Variants in UNC5C observed in about 807,000 individuals in gnomAD.
UNC5C encodes the protein netrin receptor UNC5C.
A neutral mutation model predicts 99.8 loss-of-function variants in UNC5C; 47 were observed. That is an observed-to-expected ratio of 0.47 (90% CI 0.37 to 0.60). The LOEUF is 0.60. Among genes scored for constraint, UNC5C ranks in the 20% least tolerant of loss-of-function variants. The pLI is 0.00. For synonymous variants in UNC5C, 487 were observed against 452.2 expected, an observed-to-expected ratio of 1.08 and a Z score of -0.98; for missense variants, 1,062 against 1,165.9, an observed-to-expected ratio of 0.91 and a Z score of 1.30.
chr4:95,277,639 G>T (rs934430489), intron 4 of UNC5C, among the ~76,000 whole-genome samples: 1 of 152,200 alleles, frequency 6.6e-6, no homozygotes, highest in Non-Finnish European at 1.5e-5. Context: ...CTAATGAAAA[G>T]TCATGGTATG....
At chr4:95,495,272 CTTT>C (rs1721600098) in intron 1 of UNC5C, among the ~76,000 whole-genome samples, 1 of 151,460 alleles carries the variant, frequency 6.6e-6, no homozygotes, top group Non-Finnish European at 1.5e-5. Flanking sequence ...CACTATATTC[CTTT>C]TATCACTTGT....
intron 14 of UNC5C, 64 bp from the exon 15 acceptor site, chr4:95,170,396 C>CCAAT: frequency 6.4e-7 from 1 of 1,550,860 alleles, no homozygotes; most frequent in Non-Finnish European, 8.8e-7. Flanking sequence ...CTCTATTGAA[C>CCAAT]CAATCAACAT....
intron 2 of UNC5C, among the ~76,000 whole-genome samples, chr4:95,314,645 A>G (rs1409768297): frequency 6.6e-6 from 1 of 152,194 alleles, no homozygotes; most frequent in Admixed American, 6.5e-5. Flanking sequence ...CATGAGTATA[A>G]TCATGTCTTC....
chr4:95,191,866 C>T (rs1268142112), intron 12 of UNC5C, among the ~76,000 whole-genome samples: 1 of 142,554 alleles, frequency 7.0e-6, no homozygotes, highest in African/African-American at 2.6e-5. Context: ...CCATGCTCAC[C>T]TCCTCCCCAC....
chr4:95,510,319 G>T (rs1045897966), intron 1 of UNC5C, among the ~76,000 whole-genome samples: 5 of 151,932 alleles, frequency 3.3e-5, no homozygotes, highest in South Asian at 4.1e-4. Flanking sequence ...CAGGATTAAA[G>T]TTCGCTAAAA....
intron 1 of UNC5C, among the ~76,000 whole-genome samples, chr4:95,348,489 T>G (rs1743861551): frequency 6.6e-6 from 1 of 151,480 alleles, no homozygotes; most frequent in Admixed American, 6.6e-5. Context: ...TAGTCACAAT[T>G]GCCAAGATTT....
chr4:95,315,248 C>T (rs994954326), intron 2 of UNC5C, among the ~76,000 whole-genome samples: 1 of 151,866 alleles, frequency 6.6e-6, no homozygotes, highest in East Asian at 1.9e-4. Flanking sequence ...ATTTAGACAC[C>T]CCCTACTCCC....
At chr4:95,477,213 C>T (rs17442528) in intron 1 of UNC5C, among the ~76,000 whole-genome samples, 8,476 of 151,958 alleles carry the variant, frequency 0.056, 380 homozygotes, top group East Asian at 0.2. Context: ...TCCTGTTTAG[C>T]CAAGTGATTT....
chr4:95,178,325 C>G (rs977615169), intron 14 of UNC5C, among the ~76,000 whole-genome samples: 5 of 152,128 alleles, frequency 3.3e-5, no homozygotes, highest in Non-Finnish European at 5.9e-5. Context: ...TGCCCTGGGG[C>G]CCCCCTGGGC....
chr4:95,305,912 AT>A (rs1457157322), intron 2 of UNC5C, among the ~76,000 whole-genome samples: 2 of 152,194 alleles, frequency 1.3e-5, no homozygotes, highest in Non-Finnish European at 2.9e-5. Context: ...ATGACATGAC[AT>A]TTATTTCTTA....
chr4:95,320,560 G>T (rs1165010108), intron 2 of UNC5C, among the ~76,000 whole-genome samples: 1 of 152,136 alleles, frequency 6.6e-6, no homozygotes, highest in South Asian at 2.1e-4. Flanking sequence ...CTTTGAAGTG[G>T]TCATATTAAA....
chr4:95,318,398 T>G (rs894264148), intron 2 of UNC5C, among the ~76,000 whole-genome samples: 4 of 152,190 alleles, frequency 2.6e-5, no homozygotes, highest in African/African-American at 9.7e-5. Context: ...TTCAGACTTC[T>G]AGCCTCCAAA....
intron 13 of UNC5C, 150 bp from the exon 14 acceptor site, chr4:95,183,211 A>C: frequency 1.4e-6 from 1 of 698,140 alleles, no homozygotes; most frequent in Middle Eastern, 4.3e-4. Flanking sequence ...CTGGACCCTT[A>C]TCACATGAAA....
intron 12 of UNC5C, among the ~76,000 whole-genome samples, chr4:95,188,766 A>C (rs75101259): frequency 6.6e-6 from 1 of 152,208 alleles, no homozygotes; most frequent in African/African-American, 2.4e-5. Context: ...CTCCCTGGGA[A>C]CATTCATTCA....
At chr4:95,203,885 A>T (rs1405233637) in intron 11 of UNC5C, among the ~76,000 whole-genome samples, 1 of 152,176 alleles carries the variant, frequency 6.6e-6, no homozygotes, top group Non-Finnish European at 1.5e-5. Flanking sequence ...TCATGTGAGC[A>T]GTTGTTCCTG....
At chr4:95,510,198 G>A (rs1044753569) in intron 1 of UNC5C, among the ~76,000 whole-genome samples, 2 of 151,706 alleles carry the variant, frequency 1.3e-5, no homozygotes, top group African/African-American at 4.8e-5. Flanking sequence ...ACAAAAGAAA[G>A]CTTTATTAGA....
At chr4:95,289,243 A>G (rs1741355844) in intron 3 of UNC5C, among the ~76,000 whole-genome samples, 1 of 152,202 alleles carries the variant, frequency 6.6e-6, no homozygotes, top group South Asian at 2.1e-4. Flanking sequence ...AAGTGTTCAC[A>G]GAGTTGATGG....
chr4:95,411,139 A>G (rs555213680), intron 1 of UNC5C, among the ~76,000 whole-genome samples: 1 of 152,334 alleles, frequency 6.6e-6, no homozygotes, highest in South Asian at 2.1e-4. Flanking sequence ...GCCCCTCGGG[A>G]CAAACCAGAG....
At chr4:95,403,190 G>T (rs1043324666) in intron 1 of UNC5C, among the ~76,000 whole-genome samples, 1 of 152,154 alleles carries the variant, frequency 6.6e-6, no homozygotes, top group African/African-American at 2.4e-5. Flanking sequence ...AATCAGGAGA[G>T]GCTTTTCAGA....
Sources: gnomAD v4.1 joint callset for allele counts (sites outside exome capture counted in the v4.1 genomes callset) on GRCh38, gnomAD v4.1.1 for gene constraint, MANE v1.5 for transcripts, NCBI Gene and HGNC (gene_info 2026-07-23, HGNC 2026-07-21) for gene names.